KLHDC4: variants seen among roughly 807,000 people sequenced by gnomAD.
The protein encoded by KLHDC4 is kelch domain containing 4.
Under a neutral mutation model 62.4 loss-of-function variants are expected in KLHDC4, and 90 were observed. The observed-to-expected ratio is 1.44, with a 90% CI of 1.22 to 1.72. The LOEUF is 1.72. Among genes scored for constraint, KLHDC4 ranks in the 40% most tolerant of loss-of-function variants. KLHDC4 has a pLI of 0.00. For synonymous variants in KLHDC4, 386 were observed against 284.4 expected, an observed-to-expected ratio of 1.36 and a Z score of -3.59; for missense variants, 1,025 against 699.7, an observed-to-expected ratio of 1.47 and a Z score of -5.25.
chr16:87,724,232 G>T (rs1797058275), intron 7 of KLHDC4, among the ~76,000 whole-genome samples: 1 of 152,176 alleles, frequency 6.6e-6, no homozygotes, highest in Non-Finnish European at 1.5e-5. Flanking sequence ...TTGAGAATTA[G>T]TCCCGGGCAG....
At chr16:87,744,642 T>G (rs1012093280) in intron 5 of KLHDC4, among the ~76,000 whole-genome samples, 1 of 148,598 alleles carries the variant, frequency 6.7e-6, no homozygotes, top group Non-Finnish European at 1.5e-5. Flanking sequence ...ACAAAATACA[T>G]GAAAAAAGCA....
At chr16:87,751,258 G>C (rs557627734) in intron 4 of KLHDC4, among the ~76,000 whole-genome samples, 5 of 152,298 alleles carry the variant, frequency 3.3e-5, no homozygotes, top group African/African-American at 1.2e-4. Context: ...GGTAGATCAT[G>C]AGGTCAGGAG....
chr16:87,737,893 G>C (rs1033248740), intron 5 of KLHDC4, among the ~76,000 whole-genome samples: 2 of 152,052 alleles, frequency 1.3e-5, no homozygotes, highest in African/African-American at 4.8e-5. Flanking sequence ...GCCCAGCCCA[G>C]TCTCTCTAAG....
intron 1 of KLHDC4, among the ~76,000 whole-genome samples, chr16:87,764,070 C>T (rs1182917178): frequency 6.6e-6 from 1 of 152,174 alleles, no homozygotes; most frequent in Non-Finnish European, 1.5e-5. Flanking sequence ...GAGCAGAATT[C>T]CAAACTGTCC....
At chr16:87,713,940 G>A (rs1349659416) in intron 8 of KLHDC4, among the ~76,000 whole-genome samples, 3 of 151,974 alleles carry the variant, frequency 2.0e-5, no homozygotes, top group Non-Finnish European at 4.4e-5. Context: ...GCTGACAGAG[G>A]CCACGGCCGT....
At chr16:87,762,198 C>T (rs1008174797) in intron 1 of KLHDC4, 158 bp from the exon 2 acceptor site, 3 of 1,417,630 alleles carry the variant, frequency 2.1e-6, no homozygotes, top group African/African-American at 2.9e-5. Context: ...GAGTTTGACA[C>T]ATTCGAAAGT....
At chr16:87,711,596 A>G (rs1202942319) in intron 8 of KLHDC4, among the ~76,000 whole-genome samples, 153 bp from the exon 9 acceptor site, 1 of 152,198 alleles carries the variant, frequency 6.6e-6, no homozygotes, top group East Asian at 1.9e-4. Flanking sequence ...CTGCAGAAAA[A>G]CAGACACCAT....
chr16:87,715,890 G>A (rs1296796883), intron 7 of KLHDC4, among the ~76,000 whole-genome samples: 17 of 152,162 alleles, frequency 1.1e-4, no homozygotes, highest in Non-Finnish European at 2.4e-4. Context: ...CATGCTCTGT[G>A]CCTCATGGAT....
downstream of KLHDC4, among the ~76,000 whole-genome samples, chr16:87,704,918 G>A (rs1009960807): frequency 2.0e-5 from 3 of 152,178 alleles, no homozygotes; most frequent in Non-Finnish European, 1.5e-5. Context: ...AGCATGGCGC[G>A]CATGGGCGGC....
intron 5 of KLHDC4, among the ~76,000 whole-genome samples, chr16:87,741,952 G>A (rs1192026686): frequency 6.6e-6 from 1 of 152,270 alleles, no homozygotes; most frequent in African/African-American, 2.4e-5. Flanking sequence ...AGCTCTTCCT[G>A]GACTTCTCAA....
chr16:87,720,053 C>A (rs2037947761), intron 7 of KLHDC4, among the ~76,000 whole-genome samples: 1 of 152,226 alleles, frequency 6.6e-6, no homozygotes, highest in Non-Finnish European at 1.5e-5. Context: ...TGCAGTGAGT[C>A]CTCAATGCAG....
At chr16:87,711,515 C>T in intron 8 of KLHDC4, 72 bp from the exon 9 acceptor site, 1 of 1,323,144 alleles carries the variant, frequency 7.6e-7, no homozygotes, top group Non-Finnish European at 1.0e-6. Flanking sequence ...AGGACACGCT[C>T]AGGACCCCAG....
intron 2 of KLHDC4, among the ~76,000 whole-genome samples, chr16:87,761,613 T>G (rs2045907744): frequency 6.6e-6 from 1 of 152,262 alleles, no homozygotes; most frequent in Non-Finnish European, 1.5e-5. Flanking sequence ...TTCAGCTTTC[T>G]GCCTACAGTA....
At chr16:87,734,845 G>A (rs556286795) in intron 5 of KLHDC4, among the ~76,000 whole-genome samples, 11 of 152,066 alleles carry the variant, frequency 7.2e-5, no homozygotes, top group South Asian at 4.2e-4. Context: ...ACCATCCAGC[G>A]GACACACTAC....
intron 3 of KLHDC4, chr16:87,755,602 T>G (rs533703186): frequency 4.0e-6 from 1 of 250,242 alleles, no homozygotes; most frequent in African/African-American, 2.3e-5. Context: ...GAAGTCTCGC[T>G]GTTGCCCACA....
rs528406256 is a variant in KLHDC4, at chr16:87,719,332, C to T, written c.760-4759G>A. On this transcript the variant is annotated intron_variant, in intron 7 of 11. Transcript: ENST00000270583. The stretch of plus-strand genomic sequence containing the variant: ...ATTTTGTTCTGTACTAAGAAAAATT[C>T]TTCTGCCTTGGGATGCTGTTAATCT... Among the ~76,000 whole-genome samples the T allele has an allele frequency of 2.0e-5, 3 of 152,336 alleles. No homozygotes were observed. In the East Asian group the frequency reaches 5.8e-4, roughly 29 times the overall value.
intron 7 of KLHDC4, among the ~76,000 whole-genome samples, chr16:87,720,522 T>G (rs1054605495): frequency 6.6e-6 from 1 of 151,784 alleles, no homozygotes; most frequent in Non-Finnish European, 1.5e-5. Flanking sequence ...CAACCACAGG[T>G]GATGAGCCCC....
chr16:87,755,296 C>A lies in KLHDC4; in HGVS notation c.271-4G>T. On this transcript the variant is annotated splice_region_variant and splice_polypyrimidine_tract_variant and intron_variant, in intron 3 of 11. Coordinates refer to ENST00000270583, the MANE Select transcript of KLHDC4 (RefSeq NM_017566.4). ...AGAGCTCGTTATACAAAAAAGTCTA[C>A]AGGAAGGAAGAAGAATGTCAGTGTC... is the stretch of plus-strand genomic sequence containing the variant. 1.3e-6 allele frequency: 2 copies of A among 1,530,236 alleles called. No homozygotes were observed. Among genetic ancestry groups the A allele is most frequent in the Non-Finnish European group, 1.8e-6 (2 of 1,104,750 alleles). 94.8% of individuals were successfully genotyped at this position (1,530,236 alleles called of 1,614,324 possible). A position where few individuals can be genotyped will look rare whatever the true frequency, so the allele number is the denominator to read the frequency against.
Position 87,718,309 on chromosome 16 carries a change from CT to C in KLHDC4, c.760-3737del, listed in dbSNP as rs1317599557. ...GCTCTCCCTCTCCCTCTCCCTCCCCCTCTCCCTCCCCCTCCCTCTCCCTCCC... is the reference window on the plus strand; with the variant it reads ...GCTCTCCCTCTCCCTCTCCCTCCCCCCTCCCTCCCCCTCCCTCTCCCTCCC... On this transcript the variant is annotated intron_variant, in intron 7 of 11. Coordinates refer to ENST00000270583, the MANE Select transcript of KLHDC4 (RefSeq NM_017566.4). 1.8e-3 allele frequency among the ~76,000 whole-genome samples: 164 copies of C among 89,786 alleles called. 2 individuals carry two copies. Among genetic ancestry groups the C allele is most frequent in the African/African-American group, 8.0e-3 (154 of 19,332 alleles). 58.9% of individuals were successfully genotyped at this position (89,786 alleles called of 152,430 possible).
Sources: allele counts gnomAD v4.1 joint callset (sites outside exome capture counted in the v4.1 genomes callset), GRCh38; gene constraint gnomAD v4.1.1; transcripts MANE v1.5; gene names NCBI Gene and HGNC (gene_info 2026-07-23, HGNC 2026-07-21).